PLXDC2: variants seen among roughly 807,000 people sequenced by gnomAD.
PLXDC2 encodes the protein plexin domain containing 2.
A neutral mutation model predicts 68.9 loss-of-function variants in PLXDC2; 40 were observed. The ratio of observed to expected loss-of-function variants is 0.58; its 90% CI spans 0.45 to 0.76. The LOEUF (loss-of-function observed/expected upper bound fraction) is 0.76. PLXDC2 is among the 30% of genes least tolerant of loss of function. The probability of loss-of-function intolerance (pLI) is 0.00; values close to 1 mark genes in which losing one functional copy is unlikely to be tolerated. For missense variants in PLXDC2, 644 were observed against 661.9 expected, an observed-to-expected ratio of 0.97 and a Z score of 0.30; for synonymous variants, 243 against 234.2, an observed-to-expected ratio of 1.04 and a Z score of -0.34.
At chr10:20,005,537 C>T (rs562522276) in intron 2 of PLXDC2, among the ~76,000 whole-genome samples, 3 of 152,222 alleles carry the variant, frequency 2.0e-5, no homozygotes, top group South Asian at 4.2e-4. Context: ...ATTTAGCTCA[C>T]GGTTCTGTAG....
rs192999264 is a variant in PLXDC2 at position 19,954,929 on chromosome 10, C to G, written c.113-46846C>G. Reference sequence around the variant, plus strand: ...TCTATCTGTACACTTCTTTCAGGACCCTTTTCCTAAAGCAAATGGGTGATT... The same window carrying G: ...TCTATCTGTACACTTCTTTCAGGACGCTTTTCCTAAAGCAAATGGGTGATT... On this transcript the variant is annotated intron_variant, in intron 1 of 13. Coordinates refer to ENST00000377252, the MANE Select transcript of PLXDC2 (RefSeq NM_032812.9). Among the ~76,000 whole-genome samples, 12 of 152,228 alleles carry G rather than the reference C, an allele frequency of 7.9e-5. No homozygotes were observed. The East Asian group carries it at 2.3e-3, about 29-fold the overall frequency.
At chr10:19,852,463 A>AAAAAAAAT (rs1837139575) in intron 1 of PLXDC2, among the ~76,000 whole-genome samples, 1 of 126,502 alleles carries the variant, frequency 7.9e-6, no homozygotes, top group Admixed American at 8.0e-5. Context: ...AAAAAAAAAA[A>AAAAAAAAT]AAGTTTTCAA....
intron 1 of PLXDC2, among the ~76,000 whole-genome samples, chr10:19,847,505 G>C (rs976587489): frequency 6.6e-6 from 1 of 152,146 alleles, no homozygotes; most frequent in South Asian, 2.1e-4. Flanking sequence ...CATTACCTAG[G>C]AATGTATAAG....
chr10:20,244,440 G>C (rs1835561461), intron 12 of PLXDC2, among the ~76,000 whole-genome samples: 1 of 152,136 alleles, frequency 6.6e-6, no homozygotes, highest in African/African-American at 2.4e-5. Flanking sequence ...TATTGTTCTG[G>C]GGTGTAGTGG....
chr10:19,836,562 G>T (rs1001087805), intron 1 of PLXDC2, among the ~76,000 whole-genome samples: 2 of 152,190 alleles, frequency 1.3e-5, no homozygotes, highest in African/African-American at 4.8e-5. Flanking sequence ...AATCAAGTTT[G>T]TTGGAAAGAG....
chr10:20,177,902 A>G (rs1834551072), intron 9 of PLXDC2, among the ~76,000 whole-genome samples: 1 of 151,032 alleles, frequency 6.6e-6, no homozygotes, highest in Admixed American at 6.6e-5. Context: ...CCTTTGTTTG[A>G]GAGCTCAAAA....
chr10:20,211,915 A>G lies in PLXDC2; in HGVS notation c.1122+186A>G, dbSNP rs572872215. Reference sequence around the variant, plus strand: ...CAGCTGGCTATTTTTGTTAAATTAGATAACATTTTCATTACATTGTAGCAA... The same window carrying G: ...CAGCTGGCTATTTTTGTTAAATTAGGTAACATTTTCATTACATTGTAGCAA... On this transcript the variant is annotated intron_variant, in intron 10 of 13. Coordinates refer to ENST00000377252, the MANE Select transcript of PLXDC2 (RefSeq NM_032812.9). 2.6e-5 allele frequency among the ~76,000 whole-genome samples: 4 copies of G among 152,266 alleles called. No homozygotes were observed. The East Asian group carries it at 7.7e-4, about 29-fold the overall frequency.
chr10:20,162,840 G>C (rs1447871460), intron 6 of PLXDC2, among the ~76,000 whole-genome samples: 1 of 146,676 alleles, frequency 6.8e-6, no homozygotes, highest in African/African-American at 2.5e-5. Context: ...GAGGTGGGTG[G>C]ATCACTTGAG....
In PLXDC2 at chr10:20,198,363, A is replaced by T. The variant is rs138772064; in HGVS notation, c.1062-13306A>T. On this transcript the variant is annotated intron_variant, in intron 9 of 13. Transcript: ENST00000377252. ...CCTTCCTCTGGAAATTCTAAAGCCC[A>T]TCATTTCTTGAGCTCAATATTGACG... 1.4e-3 allele frequency among the ~76,000 whole-genome samples: 218 copies of T among 152,282 alleles called. 1 individual carries two copies. The highest frequency in any genetic ancestry group is 3.9e-3 in the African/African-American group (163 of 41,572).
rs1349704460 is a variant in PLXDC2 at position 20,289,003 on chromosome 10, A to T, written c.*9184A>T. 1 of 152,228 alleles carries T rather than the reference A, an allele frequency of 6.6e-6. No homozygotes were observed. Among genetic ancestry groups the T allele is most frequent in the Non-Finnish European group, 1.5e-5 (1 of 68,046 alleles). 9.4% of individuals were successfully genotyped at this position (152,228 alleles called of 1,614,324 possible). The stretch of plus-strand genomic sequence containing the variant: ...GAGCTATTTGTGTAAGACTGCTGTC[A>T]TATTTGACTACATATTAAAAACAGT... On this transcript the variant is annotated 3_prime_UTR_variant, in exon 14 of 14. Transcript: ENST00000377252.
At chr10:20,158,997 T>C (rs1357620050) in intron 6 of PLXDC2, among the ~76,000 whole-genome samples, 1 of 152,208 alleles carries the variant, frequency 6.6e-6, no homozygotes. Context: ...TGAAAGTTTC[T>C]TGTACATTTT....
chr10:19,993,524 A>G (rs940636053), intron 1 of PLXDC2, among the ~76,000 whole-genome samples: 1 of 152,122 alleles, frequency 6.6e-6, no homozygotes, highest in Non-Finnish European at 1.5e-5. Flanking sequence ...GGTTCAAGCA[A>G]TTCTCCTGCT....
chr10:20,289,133 A>G lies in PLXDC2; in HGVS notation c.*9314A>G, dbSNP rs1836197594. 6.6e-6 allele frequency: 1 copy of G among 152,218 alleles called. No individual in the cohort carries two copies. The allele number at this position is 152,218 out of a possible 1,614,324, so 9.4% of individuals were successfully genotyped here. On this transcript the variant is annotated 3_prime_UTR_variant, in exon 14 of 14. Transcript: ENST00000377252. ...AAAGGTTCTACCCATTGTGGAAGAA[A>G]TTCTGTGTGCAGAATTCAGAGGCAC...
intron 9 of PLXDC2, among the ~76,000 whole-genome samples, chr10:20,195,919 C>T (rs895205242): frequency 2.6e-5 from 4 of 152,074 alleles, no homozygotes; most frequent in African/African-American, 7.2e-5. Context: ...CACCTCAACC[C>T]CCAAGATGTT....
In PLXDC2 at chr10:20,147,830, T is replaced by C; in HGVS notation, c.711T>C (p.Asn237=). The C allele has an allele frequency of 1.2e-6, 2 of 1,613,560 alleles. No individual in the cohort carries two copies. The highest frequency in any genetic ancestry group is 1.7e-6 in the Non-Finnish European group (2 of 1,179,508). Reference sequence around the variant, plus strand: ...GGGACCATGTACATCTCCAGGATAATTATAACCTGGGAAGCTTCACATTCC... The same window carrying C: ...GGGACCATGTACATCTCCAGGATAACTATAACCTGGGAAGCTTCACATTCC... The part of the protein sequence containing the change: ...VQWDHVHLQD[N]YNLGSFTFQA... The change falls in exon 6 of 14, where the codon AAT becomes AAC. Residue 237 remains asparagine (N), a synonymous_variant. Coordinates refer to ENST00000377252, the MANE Select transcript of PLXDC2 (RefSeq NM_032812.9).
At chr10:20,035,299 A>G (rs573223509) in intron 2 of PLXDC2, among the ~76,000 whole-genome samples, 1 of 152,324 alleles carries the variant, frequency 6.6e-6, no homozygotes, top group Non-Finnish European at 1.5e-5. Flanking sequence ...GGAGGCTAAG[A>G]TTTTAAAGAC....
At chr10:20,262,502 A>G (rs370298013) in intron 13 of PLXDC2, among the ~76,000 whole-genome samples, 20 of 152,294 alleles carry the variant, frequency 1.3e-4, no homozygotes, top group African/African-American at 4.3e-4. Context: ...GGCAGCCTCC[A>G]GGCTGCCATC....
chr10:20,211,863 T>A, intron 10 of PLXDC2, 134 bp downstream of exon 10: 1 of 784,586 alleles, frequency 1.3e-6, no homozygotes, highest in Non-Finnish European at 2.0e-6. Flanking sequence ...ATAAGCCCAA[T>A]GTCTGCAAAT....
rs748006620 is a variant in PLXDC2 at position 19,817,205 on chromosome 10, A to C, written c.112+14A>C. 6.4e-7 allele frequency: 1 copy of C among 1,550,646 alleles called. No individual in the cohort carries two copies. ...ACCAAATCCTTGGTAAGTAAGATGC[A>C]CTTTAGCTTGCTGATTTTGTGCGCA... On this transcript the variant is annotated intron_variant, in intron 1 of 13. Transcript: ENST00000377252.
Sources: allele counts gnomAD v4.1 joint callset (sites outside exome capture counted in the v4.1 genomes callset), GRCh38; gene constraint gnomAD v4.1.1; transcripts MANE v1.5; gene names NCBI Gene and HGNC (gene_info 2026-07-23, HGNC 2026-07-21).